The following QRICH2 variants were observed in gnomAD, a reference collection of about 807,000 sequenced individuals.
The protein encoded by QRICH2 is glutamine rich 2.
QRICH2 carries 119 observed loss-of-function variants against 168.3 expected under a neutral mutation model. That is an observed-to-expected ratio of 0.71 (90% CI 0.61 to 0.82). The LOEUF (loss-of-function observed/expected upper bound fraction) is 0.82. QRICH2 is among the 40% of genes least tolerant of loss of function. The pLI is 0.00. For synonymous variants in QRICH2, 894 were observed against 951.2 expected (o/e 0.94, Z 1.11); for missense variants, 2,241 against 2,491.6 (o/e 0.90, Z 2.14).
Position 76,285,962 on chromosome 17 carries a change from G to A in QRICH2, c.4011+1230C>T, listed in dbSNP as rs962214897. On this transcript the variant is annotated intron_variant, in intron 7 of 18. Transcript: ENST00000680821. ...CCAAGGCGGGCAGATCACAAGGTCA[G>A]GAGATTGAGACCATCCTGGCTAACA... Among the ~76,000 whole-genome samples, 27 of 152,224 alleles carry A rather than the reference G, an allele frequency of 1.8e-4. No homozygotes were observed. In the East Asian group the frequency reaches 2.7e-3, roughly 15 times the overall value.
At position 76,277,188 on chromosome 17, in the gene QRICH2, G is replaced by T; in HGVS notation, c.5240C>A (p.Thr1747Asn). 6.2e-7 allele frequency: 1 copy of T among 1,600,736 alleles called. No homozygotes were observed. The highest frequency in any genetic ancestry group is 8.5e-7 in the Non-Finnish European group (1 of 1,176,406). The part of the protein sequence containing the change: ...PQHLPRGLYP[T>N]EEIQIAMKHD... ...CTTCATGGCAATCTGGATCTCTTCA[G>T]TAGGATACAGGCCCCGGGGAAGGTG... The change falls in exon 16 of 19, where the codon ACT (threonine) becomes AAT (asparagine). Residue 1747 changes from threonine to asparagine, a missense_variant. Physicochemically the swap from Thr to Asn is moderately conservative, Grantham distance 65 (BLOSUM62 0). Around this residue, in one of 3 missense-constraint regions of QRICH2, gnomAD observed 2,047 missense variants for 2,303.8 expected, o/e 0.89. Transcript: ENST00000680821.
At chr17:76,283,565 C>T (rs545179720) in intron 7 of QRICH2, among the ~76,000 whole-genome samples, 43 of 152,286 alleles carry the variant, frequency 2.8e-4, no homozygotes, top group African/African-American at 9.4e-4. Flanking sequence ...AACTTGGGAG[C>T]CTGGAATGTG....
intron 7 of QRICH2, 62 bp from the exon 8 acceptor site, chr17:76,282,177 A>T: frequency 6.5e-7 from 1 of 1,532,356 alleles, no homozygotes; most frequent in Non-Finnish European, 8.8e-7. Context: ...CGCTCTGCCC[A>T]TGCTGGCACT....
In QRICH2 at chr17:76,292,672, T is replaced by C; in HGVS notation, c.2055A>G (p.Ala685=). Residue 685 remains alanine, a synonymous_variant, in exon 4 of 19, where the codon GCA becomes GCG. Coordinates refer to ENST00000680821, the MANE Select transcript of QRICH2 (RefSeq NM_001388453.1). ...RFQRALVQPG[A]YQPGLVQPGA... ...CAGGTTGGACCAAGCCAGGCTGATA[T>C]GCACCAGGCTGCACCAAAGCACGCT... is the stretch of plus-strand genomic sequence containing the variant. 1 of 1,613,908 alleles carries C rather than the reference T, an allele frequency of 6.2e-7. No individual in the cohort carries two copies. The highest frequency in any genetic ancestry group is 2.2e-5 in the East Asian group (1 of 44,880).
intron 7 of QRICH2, among the ~76,000 whole-genome samples, chr17:76,284,027 G>A (rs2070836070): frequency 7.1e-6 from 1 of 140,698 alleles, no homozygotes; most frequent in Non-Finnish European, 1.5e-5. Flanking sequence ...AATTACCCAG[G>A]CATGGCGGTG....
Position 76,280,983 on chromosome 17 carries a change from G to A in QRICH2, c.4264-30C>T, listed in dbSNP as rs1002144588. ...GGCAGGAGGGATGGGAAGGCTCTCGGAGGCTGCTGGCGCGATCCCACCCCC... is the reference window on the plus strand; with the variant it reads ...GGCAGGAGGGATGGGAAGGCTCTCGAAGGCTGCTGGCGCGATCCCACCCCC... On this transcript the variant is annotated intron_variant, in intron 8 of 18. Coordinates refer to ENST00000680821, the MANE Select transcript of QRICH2 (RefSeq NM_001388453.1). The surrounding 1 kb of genome is among the most constrained non-coding windows in gnomAD (Gnocchi z 7.4). The A allele has an allele frequency of 1.9e-6, 3 of 1,600,978 alleles. No homozygotes were observed. The highest frequency in any genetic ancestry group is 2.5e-6 in the Non-Finnish European group (3 of 1,178,978).
chr17:76,278,725 AG>A (rs2070733792), intron 14 of QRICH2, among the ~76,000 whole-genome samples: 1 of 152,216 alleles, frequency 6.6e-6, no homozygotes, highest in African/African-American at 2.4e-5. Context: ...CCGAAGGCTG[AG>A]GAAGAGGTTG....
Position 76,291,595 on chromosome 17 carries a change from T to C in QRICH2, c.3132A>G (p.Pro1044=). ...PGIDRRSLVP[P]ETYQQGLMHP... ...GCATCAAACCTTGCTGATAAGTTTC[T>C]GGTGGTACCAAACTCCTTCGATCTA... Residue 1044 remains proline (P), a synonymous_variant, in exon 4 of 19, where the codon CCA becomes CCG. Transcript: ENST00000680821. 1.9e-6 allele frequency: 3 copies of C among 1,614,156 alleles called. No homozygotes were observed. Among genetic ancestry groups the C allele is most frequent in the Non-Finnish European group, 1.7e-6 (2 of 1,180,032 alleles).
chr17:76,280,739 CAAGTG>C lies in QRICH2; in HGVS notation c.4387-16_4387-12del. ...ACCCTGGTACAGCATCTGGGGAGGC[CAAGTG>C]AACAGAGAAAAAAAGAGCCAGCAGC... On this transcript the variant is annotated splice_polypyrimidine_tract_variant and intron_variant, in intron 9 of 18. Coordinates refer to ENST00000680821, the MANE Select transcript of QRICH2 (RefSeq NM_001388453.1). This position sits in a 1 kb window ranked among gnomAD's most constrained non-coding sequence, Gnocchi z 7.4. 1 of 1,614,106 alleles carries C rather than the reference CAAGTG, an allele frequency of 6.2e-7. No homozygotes were observed. Among genetic ancestry groups the C allele is most frequent in the Non-Finnish European group, 8.5e-7 (1 of 1,180,018 alleles).
chr17:76,306,560 A>G (rs749965296), intron 1 of QRICH2, among the ~76,000 whole-genome samples: 1 of 152,156 alleles, frequency 6.6e-6, no homozygotes, highest in African/African-American at 2.4e-5. Context: ...ATACTCAATG[A>G]TTACATGCAT....
intron 7 of QRICH2, among the ~76,000 whole-genome samples, chr17:76,283,175 G>A (rs2070820579): frequency 6.6e-6 from 1 of 152,144 alleles, no homozygotes; most frequent in Non-Finnish European, 1.5e-5. Context: ...TACCTCCGAG[G>A]GCCCCGGATG....
At chr17:76,289,938 C>G (rs1053611514) in intron 5 of QRICH2, 54 bp downstream of exon 5, 1 of 1,305,020 alleles carries the variant, frequency 7.7e-7, no homozygotes, top group Non-Finnish European at 1.1e-6. Context: ...GCGACAAGAG[C>G]AAAACTCCAT....
chr17:76,277,767 C>G (rs184880290), intron 15 of QRICH2, among the ~76,000 whole-genome samples: 1 of 152,140 alleles, frequency 6.6e-6, no homozygotes, highest in Admixed American at 6.6e-5. Flanking sequence ...CGCACTCATA[C>G]ACACACACCC....
intron 18 of QRICH2, among the ~76,000 whole-genome samples, chr17:76,275,548 C>T (rs2070659528): frequency 6.6e-6 from 1 of 152,208 alleles, no homozygotes; most frequent in Non-Finnish European, 1.5e-5. Flanking sequence ...GTGAGCAGGG[C>T]AAGGGCATGG....
rs1568117793 is a variant in QRICH2, at chr17:76,292,118, C to A, written c.2609G>T (p.Gly870Val). 6.2e-7 allele frequency: 1 copy of A among 1,612,850 alleles called. No individual in the cohort carries two copies. The highest frequency in any genetic ancestry group is 8.5e-7 in the Non-Finnish European group (1 of 1,179,510). The part of the protein sequence containing the change: ...GLVQPGVDQR[G>V]LVQPGVDQRG... ...CTGATCCACTCCAGGTTGCACCAAACCACGCTGATCCACTCCAGGTTGGAC... is the reference window on the plus strand; with the variant it reads ...CTGATCCACTCCAGGTTGCACCAAAACACGCTGATCCACTCCAGGTTGGAC... The change falls in exon 4 of 19, where the codon GGT (glycine) becomes GTT (valine). Residue 870 changes from glycine to valine, a missense_variant. Around this residue, in one of 3 missense-constraint regions of QRICH2, gnomAD observed 2,047 missense variants for 2,303.8 expected, o/e 0.89. Coordinates refer to ENST00000680821, the MANE Select transcript of QRICH2 (RefSeq NM_001388453.1).
Position 76,292,195 on chromosome 17 carries a change from AGGTT to A in QRICH2, c.2528_2531del (p.Gln843LeufsTer48). ...GGACCAAACCATGCTGAACTGCACC[AGGTT>A]GGACCAAACCACGCTGAACTGCACC... is the stretch of plus-strand genomic sequence containing the variant. On this transcript the variant is annotated frameshift_variant, in exon 4 of 19. Transcript: ENST00000680821. LOFTEE classifies it high-confidence loss of function. 6.6e-7 allele frequency: 1 copy of A among 1,524,244 alleles called. No homozygotes were observed. 94.4% of individuals were successfully genotyped at this position (1,524,244 alleles called of 1,614,324 possible). A position where few individuals can be genotyped will look rare whatever the true frequency, so the allele number is the denominator to read the frequency against.
At chr17:76,298,449 G>C (rs1371012010) in intron 3 of QRICH2, among the ~76,000 whole-genome samples, 1 of 152,152 alleles carries the variant, frequency 6.6e-6, no homozygotes, top group East Asian at 1.9e-4. Context: ...AAAGTGCTGG[G>C]ATTACAGGCA....
intron 16 of QRICH2, 109 bp from the exon 17 acceptor site, chr17:76,276,876 G>C: frequency 1.1e-6 from 1 of 901,282 alleles, no homozygotes; most frequent in Non-Finnish European, 1.7e-6. Context: ...CCCTCCTGGG[G>C]GGCTCTGGGA....
At chr17:76,294,492 T>C (rs1240157939) in intron 3 of QRICH2, among the ~76,000 whole-genome samples, 1 of 152,010 alleles carries the variant, frequency 6.6e-6, no homozygotes, top group Non-Finnish European at 1.5e-5. Flanking sequence ...AGACTCTGCA[T>C]ATTTGAAAAT....
Sources: gnomAD v4.1 joint callset for allele counts (sites outside exome capture counted in the v4.1 genomes callset) on GRCh38, gnomAD v4.1.1 for gene constraint, gnomAD v4.1.1 regional missense constraint, Gnocchi (gnomAD v3.1) non-coding constraint, MANE v1.5 for transcripts, NCBI Gene and HGNC (gene_info 2026-07-23, HGNC 2026-07-21) for gene names.